Variants in LPAR6 observed in about 807,000 individuals in gnomAD.
The protein encoded by LPAR6 is lysophosphatidic acid receptor 6.
LPAR6 carries 17 observed loss-of-function variants against 22.0 expected under a neutral mutation model. That is an observed-to-expected ratio of 0.77 (90% CI 0.53 to 1.16). The LOEUF (loss-of-function observed/expected upper bound fraction) is 1.16. Ranked by LOEUF, LPAR6 falls within the 50% of genes most tolerant of loss-of-function variation. The probability of loss-of-function intolerance (pLI) is 0.00; values close to 1 mark genes in which losing one functional copy is unlikely to be tolerated. For missense variants in LPAR6, 384 were observed against 406.9 expected (o/e 0.94, Z 0.48); for synonymous variants, 136 against 139.8 (o/e 0.97, Z 0.19).
chr13:48,439,460 T>C (rs1438539867), intron 1 of LPAR6: 5 of 152,198 alleles, frequency 3.3e-5, no homozygotes, highest in Admixed American at 3.3e-4. Context: ...TCAGGCATGA[T>C]AGAAAGATTA....
intron 1 of LPAR6, among the ~76,000 whole-genome samples, chr13:48,396,807 A>G (rs927802906): frequency 1.3e-5 from 2 of 152,226 alleles, no homozygotes; most frequent in Admixed American, 1.3e-4. Context: ...ACAGGAAAAC[A>G]AACAACCCTA....
At chr13:48,430,893 A>G (rs1223754321), upstream of LPAR6, among the ~76,000 whole-genome samples, 2 of 152,164 alleles carry the variant, frequency 1.3e-5, no homozygotes, top group African/African-American at 4.8e-5. Context: ...ACTGTACTTC[A>G]GCCTGGGTGA....
chr13:48,402,379 C>CTTTTTTTTT (rs545934425), intron 1 of LPAR6, among the ~76,000 whole-genome samples: 104,176 of 125,100 alleles, frequency 0.83, 45,333 homozygotes, highest in East Asian at 0.98. Context: ...TGTAGAAAAC[C>CTTTTTTTTT]TTTTTTTTTT....
At chr13:48,396,994 A>G (rs1948653953) in intron 1 of LPAR6, among the ~76,000 whole-genome samples, 1 of 152,222 alleles carries the variant, frequency 6.6e-6, no homozygotes, top group African/African-American at 2.4e-5. Flanking sequence ...GTCAGGAAAC[A>G]ACAGATGCTG....
chr13:48,431,085 C>G (rs1949125085), upstream of LPAR6, among the ~76,000 whole-genome samples: 1 of 152,082 alleles, frequency 6.6e-6, no homozygotes, highest in Admixed American at 6.5e-5. Flanking sequence ...TGAGTTATAA[C>G]ATTTACAGAA....
At chr13:48,433,681 C>CT (rs1418198452) in intron 1 of LPAR6, among the ~76,000 whole-genome samples, 1 of 30,036 alleles carries the variant, frequency 3.3e-5, no homozygotes, top group African/African-American at 5.2e-5. Context: ...AACAAAAATG[C>CT]ATTTTTTTTT....
downstream of LPAR6, among the ~76,000 whole-genome samples, chr13:48,407,488 T>TAAG (rs1948750862): frequency 6.6e-6 from 1 of 152,216 alleles, no homozygotes; most frequent in South Asian, 2.1e-4. Flanking sequence ...ACATTCTTTG[T>TAAG]ACTTTTATAA....
In LPAR6 at chr13:48,411,363, TC is replaced by T; in HGVS notation, c.*25del. Reference sequence around the variant, plus strand: ...CAGTTGAAGGAACTTGAAAGTTCTGTCCCAGTGAGTCCTAATGGTTTTATTT... The same window carrying T: ...CAGTTGAAGGAACTTGAAAGTTCTGTCCAGTGAGTCCTAATGGTTTTATTT... On this transcript the variant is annotated 3_prime_UTR_variant, in exon 1 of 1. Coordinates refer to ENST00000620633, the MANE Select transcript of LPAR6 (RefSeq NM_001162498.3). 1.3e-6 allele frequency: 2 copies of T among 1,572,842 alleles called. No homozygotes were observed. Among genetic ancestry groups the T allele is most frequent in the Non-Finnish European group, 8.7e-7 (1 of 1,145,642 alleles).
intron 1 of LPAR6, chr13:48,439,920 GT>G (rs1348133853): frequency 1.2e-4 from 19 of 152,090 alleles, no homozygotes; most frequent in Non-Finnish European, 2.6e-4. Context: ...CAGAAATATA[GT>G]TTATACTTCT....
intron 1 of LPAR6, among the ~76,000 whole-genome samples, chr13:48,395,228 A>G (rs1004617449): frequency 6.6e-5 from 10 of 152,220 alleles, no homozygotes; most frequent in African/African-American, 4.8e-5. Flanking sequence ...GTCCACACAG[A>G]AACCCCATTT....
intron 2 of LPAR6, among the ~76,000 whole-genome samples, chr13:48,420,289 A>T (rs938290871): frequency 8.5e-5 from 13 of 152,236 alleles, no homozygotes; most frequent in African/African-American, 3.1e-4. Context: ...TAAAAACCAC[A>T]TGATTATGTC....
chr13:48,435,528 ATCT>A (rs1226063955), intron 1 of LPAR6, among the ~76,000 whole-genome samples: 53 of 152,028 alleles, frequency 3.5e-4, no homozygotes, highest in Non-Finnish European at 2.9e-5. Flanking sequence ...TTCTTTCTTC[ATCT>A]TCTTCACATC....
chr13:48,428,816 G>A (rs1017372269), upstream of LPAR6, among the ~76,000 whole-genome samples: 1 of 152,150 alleles, frequency 6.6e-6, no homozygotes, highest in Admixed American at 6.5e-5. Context: ...CAAATAATTA[G>A]AACAAGGGTT....
chr13:48,433,493 T>C (rs1033091069), intron 1 of LPAR6, among the ~76,000 whole-genome samples: 1 of 151,888 alleles, frequency 6.6e-6, no homozygotes, highest in Non-Finnish European at 1.5e-5. Flanking sequence ...TGGAGATGAA[T>C]CTGTAAAAAA....
At chr13:48,435,158 A>G (rs1949170914) in intron 1 of LPAR6, among the ~76,000 whole-genome samples, 4 of 152,214 alleles carry the variant, frequency 2.6e-5, no homozygotes, top group African/African-American at 9.6e-5. Context: ...GAGTGGTTGA[A>G]TCATTTTAAA....
At chr13:48,397,650 C>G (rs115410483) in intron 1 of LPAR6, among the ~76,000 whole-genome samples, 1,907 of 151,958 alleles carry the variant, frequency 0.013, 46 homozygotes, top group African/African-American at 0.039. Flanking sequence ...AATAAAAAAA[C>G]AGAAAATATT....
chr13:48,436,228 A>G (rs1949182211), intron 1 of LPAR6, among the ~76,000 whole-genome samples: 1 of 152,204 alleles, frequency 6.6e-6, no homozygotes, highest in Non-Finnish European at 1.5e-5. Context: ...AACCTATTAT[A>G]TTTGAGATGT....
intron 2 of LPAR6, among the ~76,000 whole-genome samples, chr13:48,418,644 C>T (rs1337509481): frequency 6.6e-6 from 1 of 151,462 alleles, no homozygotes; most frequent in African/African-American, 2.4e-5. Context: ...GGAGACTCAT[C>T]TCACATGCAA....
intron 1 of LPAR6, among the ~76,000 whole-genome samples, chr13:48,423,423 T>A (rs543966408): frequency 1.9e-4 from 29 of 152,264 alleles, no homozygotes; most frequent in African/African-American, 6.7e-4. Flanking sequence ...ACTCTTTATG[T>A]TTAAGGATTT....
Sources: gnomAD v4.1 joint callset for allele counts (sites outside exome capture counted in the v4.1 genomes callset) on GRCh38, gnomAD v4.1.1 for gene constraint, MANE v1.5 for transcripts, NCBI Gene and HGNC (gene_info 2026-07-23, HGNC 2026-07-21) for gene names.